The following RNF111 variants were observed in gnomAD, a reference collection of about 807,000 sequenced individuals.
RNF111 encodes the protein E3 ubiquitin-protein ligase Arkadia.
Under a neutral mutation model 95.1 loss-of-function variants are expected in RNF111, and 17 were observed. That is an observed-to-expected ratio of 0.18 (90% CI 0.12 to 0.27). RNF111 has a LOEUF of 0.27. Ranked by LOEUF, RNF111 falls within the 10% of genes least tolerant of loss-of-function variation. The pLI, the probability that RNF111 is intolerant of heterozygous loss-of-function variation, is 1.00. For synonymous variants in RNF111, 440 were observed against 414.8 expected (o/e 1.06, Z -0.74); for missense variants, 1,189 against 1,210.4 (o/e 0.98, Z 0.26).
At position 59,044,369 on chromosome 15, in the gene RNF111, A is replaced by C. The variant is rs112065402; in HGVS notation, c.881-7936A>C. ...TTATTGTTAGCATCATTCCAGTCTT[A>C]AGGCACAGAGAGACTAAGGTGATCA... On this transcript the variant is annotated intron_variant, in intron 2 of 13. Coordinates refer to ENST00000348370, the MANE Select transcript of RNF111 (RefSeq NM_017610.8). Among the ~76,000 whole-genome samples the C allele has an allele frequency of 9.2e-3, 1,401 of 152,298 alleles. 15 individuals are homozygous for C. Among genetic ancestry groups the C allele is most frequent in the African/African-American group, 0.03 (1,250 of 41,550 alleles).
Position 59,005,327 on chromosome 15 carries a change from A to C in RNF111, c.-20+17259A>C, listed in dbSNP as rs952874738. Among the ~76,000 whole-genome samples the C allele has an allele frequency of 2.9e-4, 44 of 151,528 alleles. 1 individual carries two copies. The highest frequency in any genetic ancestry group is 1.0e-3 in the African/African-American group (43 of 41,442). On this transcript the variant is annotated intron_variant, in intron 1 of 13. Coordinates refer to ENST00000348370, the MANE Select transcript of RNF111 (RefSeq NM_017610.8). ...AGCCACTGCACCCAGCCTCTAGAAC[A>C]TAGGCTTTCATTACTATTCTCCAGA...
At chr15:59,017,961 G>T (rs2040150261) in intron 1 of RNF111, among the ~76,000 whole-genome samples, 3 of 151,862 alleles carry the variant, frequency 2.0e-5, no homozygotes, top group African/African-American at 4.8e-5. Flanking sequence ...GTTTCATCAT[G>T]TTGGCCAGGC....
chr15:59,011,159 A>G (rs1411286523), intron 1 of RNF111, among the ~76,000 whole-genome samples: 2 of 152,192 alleles, frequency 1.3e-5, no homozygotes, highest in East Asian at 3.8e-4. Context: ...GCCATGAGAA[A>G]TAGGGTAATT....
chr15:59,067,566 AT>A (rs1256640512), intron 6 of RNF111, among the ~76,000 whole-genome samples: 1 of 152,166 alleles, frequency 6.6e-6, no homozygotes, highest in Non-Finnish European at 1.5e-5. Context: ...TTTCTTTTTA[AT>A]TAAGTCTCTG....
At chr15:59,037,113 G>A (rs1037855546) in intron 2 of RNF111, among the ~76,000 whole-genome samples, 7 of 151,960 alleles carry the variant, frequency 4.6e-5, no homozygotes, top group Admixed American at 2.0e-4. Context: ...CTGGATTACA[G>A]GTGTGAGCCA....
At chr15:59,067,787 C>G (rs2042731214) in intron 6 of RNF111, among the ~76,000 whole-genome samples, 1 of 152,100 alleles carries the variant, frequency 6.6e-6, no homozygotes, top group Non-Finnish European at 1.5e-5. Context: ...GGAAAATTCT[C>G]CCAGTTTTCC....
chr15:59,040,659 G>A (rs906433191), intron 2 of RNF111, among the ~76,000 whole-genome samples: 2 of 152,094 alleles, frequency 1.3e-5, no homozygotes, highest in African/African-American at 2.4e-5. Flanking sequence ...GTACACATAA[G>A]TGAACTAGTT....
intron 11 of RNF111, among the ~76,000 whole-genome samples, chr15:59,090,011 C>A (rs185941850): frequency 6.4e-4 from 97 of 152,114 alleles, no homozygotes; most frequent in African/African-American, 2.3e-3. Flanking sequence ...TGTATTAAAT[C>A]AATATAAATG....
intron 7 of RNF111, among the ~76,000 whole-genome samples, chr15:59,080,438 G>C (rs1305784930): frequency 6.6e-6 from 1 of 151,918 alleles, no homozygotes; most frequent in Non-Finnish European, 1.5e-5. Context: ...GTGTACTCTT[G>C]ATGGAAATAT....
chr15:59,082,200 AC>A (rs1414906602), intron 8 of RNF111, among the ~76,000 whole-genome samples: 2 of 152,202 alleles, frequency 1.3e-5, no homozygotes, highest in Non-Finnish European at 2.9e-5. Flanking sequence ...ACAAGTTTAT[AC>A]CAGGTTATTT....
At position 59,031,653 on chromosome 15, in the gene RNF111, G is replaced by A; in HGVS notation, c.831G>A (p.Leu277=). 1 of 1,614,034 alleles carries A rather than the reference G, an allele frequency of 6.2e-7. No homozygotes were observed. Among genetic ancestry groups the A allele is most frequent in the South Asian group, 1.1e-5 (1 of 91,060 alleles). Residue 277 remains leucine, a synonymous_variant, in exon 2 of 14, where the codon TTG becomes TTA. Coordinates refer to ENST00000348370, the MANE Select transcript of RNF111 (RefSeq NM_017610.8). The stretch of plus-strand genomic sequence containing the variant: ...CATCAACTGAAGGAGAAGAAGATTT[G>A]TTTGTTTCTGCCAGTGAAAACCACC... ...SSSSTEGEED[L]FVSASENHQN...
At position 59,057,491 on chromosome 15, in the gene RNF111, T is replaced by G. The variant is rs557199026; in HGVS notation, c.1172-865T>G. 3.9e-4 allele frequency among the ~76,000 whole-genome samples: 60 copies of G among 152,322 alleles called. 1 individual carries two copies. In the South Asian group the frequency reaches 0.011, roughly 28 times the overall value. ...ATAGCACATTAAGAGACCCCCCTTCTTTTCAGATTTAATTGTCGTGACTAT... is the reference window on the plus strand; with the variant it reads ...ATAGCACATTAAGAGACCCCCCTTCGTTTCAGATTTAATTGTCGTGACTAT... On this transcript the variant is annotated intron_variant, in intron 4 of 13. Transcript: ENST00000348370.
chr15:59,055,766 C>T lies in RNF111; in HGVS notation c.1092C>T (p.Asn364=). Residue 364 remains asparagine, a synonymous_variant, in exon 4 of 14, where the codon AAC becomes AAT. Transcript: ENST00000348370. The stretch of plus-strand genomic sequence containing the variant: ...CAAGTCGGCCACAGGAGCCACGGAA[C>T]CGCAGTAGGATTTCTACTGTTATAC... The part of the protein sequence containing the change: ...SHASRPQEPR[N]RSRISTVIQP... 2 of 1,613,942 alleles carry T rather than the reference C, an allele frequency of 1.2e-6. No homozygotes were observed. Among genetic ancestry groups the T allele is most frequent in the Non-Finnish European group, 1.7e-6 (2 of 1,179,908 alleles).
chr15:59,020,384 A>G (rs1241500141), intron 1 of RNF111, among the ~76,000 whole-genome samples: 1 of 152,080 alleles, frequency 6.6e-6, no homozygotes, highest in Non-Finnish European at 1.5e-5. Context: ...AATATTAGAC[A>G]CTTGTGCAGT....
intron 2 of RNF111, among the ~76,000 whole-genome samples, chr15:59,035,193 T>G (rs1211071119): frequency 2.6e-5 from 4 of 152,174 alleles, no homozygotes; most frequent in Non-Finnish European, 1.5e-5. Flanking sequence ...TATGTCCACC[T>G]GGCCCTGTCC....
intron 5 of RNF111, among the ~76,000 whole-genome samples, chr15:59,063,456 C>T (rs2042525637): frequency 6.6e-6 from 1 of 152,040 alleles, no homozygotes; most frequent in East Asian, 1.9e-4. Context: ...AATTATTGTC[C>T]CTGGGTTGTG....
intron 10 of RNF111, among the ~76,000 whole-genome samples, chr15:59,088,483 A>G (rs2078959711): frequency 6.6e-6 from 1 of 152,234 alleles, no homozygotes; most frequent in South Asian, 2.1e-4. Flanking sequence ...TGCTTATTTA[A>G]ATTCTTTTCC....
At chr15:59,033,695 G>A (rs2041025202) in intron 2 of RNF111, among the ~76,000 whole-genome samples, 1 of 152,154 alleles carries the variant, frequency 6.6e-6, no homozygotes, top group Non-Finnish European at 1.5e-5. Flanking sequence ...TCAGTGCCAG[G>A]GGTTCATATA....
chr15:59,012,003 C>CTTTTTTTTTT lies in RNF111; in HGVS notation c.-19-18781_-19-18772dup, dbSNP rs71425836. On this transcript the variant is annotated intron_variant, in intron 1 of 13. Transcript: ENST00000348370. ...TTAGTGTTCTTTTTTGTTTGTTTGC[C>CTTTTTTTTTT]TTTTTTTTTTTTTTTTTTTTTTTTT... Among the ~76,000 whole-genome samples the CTTTTTTTTTT allele has an allele frequency of 4.1e-3, 166 of 40,446 alleles. 38 individuals are homozygous for CTTTTTTTTTT. The highest frequency in any genetic ancestry group is 8.1e-3 in the East Asian group (8 of 990). The allele number at this position is 40,446 out of a possible 152,430, so 26.5% of individuals were successfully genotyped here.
Sources: gnomAD v4.1 joint callset for allele counts (sites outside exome capture counted in the v4.1 genomes callset) on GRCh38, gnomAD v4.1.1 for gene constraint, MANE v1.5 for transcripts, NCBI Gene and HGNC (gene_info 2026-07-23, HGNC 2026-07-21) for gene names.